Variants in HGF observed in about 807,000 individuals in gnomAD.
The protein encoded by HGF is hepatocyte growth factor.
HGF carries 39 observed loss-of-function variants against 111.6 expected under a neutral mutation model. That is an observed-to-expected ratio of 0.35 (90% CI 0.27 to 0.46). The LOEUF is 0.46. Among genes scored for constraint, HGF ranks in the 20% least tolerant of loss-of-function variants. HGF has a pLI of 1.00. For missense variants in HGF, 735 were observed against 910.5 expected (o/e 0.81, Z 2.48); for synonymous variants, 285 against 294.8 (o/e 0.97, Z 0.34).
intron 2 of HGF, among the ~76,000 whole-genome samples, chr7:81,761,303 A>G (rs1014961216): frequency 6.6e-6 from 1 of 152,222 alleles, no homozygotes; most frequent in South Asian, 2.1e-4. Context: ...GCCAGGAACT[A>G]TCTCCCGGAA....
chr7:81,729,872 G>A (rs934141318), intron 7 of HGF, 93 bp from the exon 8 acceptor site: 6 of 1,169,284 alleles, frequency 5.1e-6, no homozygotes, highest in Non-Finnish European at 4.9e-6. Flanking sequence ...TGTATTAGCA[G>A]ATTTTTTTTT....
rs1789289278 is a variant in HGF at position 81,701,905 on chromosome 7, T to A, written c.*676A>T. ...TTGCATCATTTTTTAATATTTCTACTGGTCTTTAGAGATTTCTGGTTTTTT... is the reference window on the plus strand; with the variant it reads ...TTGCATCATTTTTTAATATTTCTACAGGTCTTTAGAGATTTCTGGTTTTTT... On this transcript the variant is annotated 3_prime_UTR_variant, in exon 18 of 18. Transcript: ENST00000222390. 6.4e-6 allele frequency: 1 copy of A among 157,372 alleles called. No individual in the cohort carries two copies. Among genetic ancestry groups the A allele is most frequent in the Non-Finnish European group, 1.4e-5 (1 of 71,166 alleles). The allele number at this position is 157,372 out of a possible 1,614,324, so 9.7% of individuals were successfully genotyped here. A position where few individuals can be genotyped will look rare whatever the true frequency, so the allele number is the denominator to read the frequency against.
intron 9 of HGF, among the ~76,000 whole-genome samples, chr7:81,723,888 A>T (rs1442601872): frequency 6.6e-6 from 1 of 151,452 alleles, no homozygotes; most frequent in Non-Finnish European, 1.5e-5. Flanking sequence ...AAATACCTAG[A>T]TCTAAGTAGA....
chr7:81,723,899 TAG>T (rs1789940181), intron 9 of HGF, among the ~76,000 whole-genome samples: 1 of 151,616 alleles, frequency 6.6e-6, no homozygotes, highest in Non-Finnish European at 1.5e-5. Flanking sequence ...TCTAAGTAGA[TAG>T]ATCTATCTGT....
chr7:81,729,919 T>A (rs1038863473), intron 7 of HGF, 140 bp from the exon 8 acceptor site: 1 of 660,324 alleles, frequency 1.5e-6, no homozygotes, highest in Non-Finnish European at 2.5e-6. Context: ...TTGAGTGGAA[T>A]AAGAAATTTA....
In HGF at chr7:81,765,037, A is replaced by G. The variant is rs1789290296; in HGVS notation, c.89-2165T>C. Among the ~76,000 whole-genome samples the G allele has an allele frequency of 2.0e-5, 3 of 152,248 alleles. No homozygotes were observed. The South Asian group carries it at 6.2e-4, about 32-fold the overall frequency. On this transcript the variant is annotated intron_variant, in intron 1 of 17. Transcript: ENST00000222390. ...ATACACGTATTTCTTAAATATGTGT[A>G]TAATTATATTAACTAAAAATATAAA...
chr7:81,700,286 A>G lies in HGF; in HGVS notation c.*2295T>C, dbSNP rs1434189623. On this transcript the variant is annotated 3_prime_UTR_variant, in exon 18 of 18. Transcript: ENST00000222390. The stretch of plus-strand genomic sequence containing the variant: ...ACCTAAAATAACATGGACCTTGTTC[A>G]TCTAAGTTTCATTGTCAATTCCACC... The G allele has an allele frequency of 6.6e-6, 1 of 151,622 alleles. No individual in the cohort carries two copies. Among genetic ancestry groups the G allele is most frequent in the Non-Finnish European group, 1.5e-5 (1 of 67,684 alleles). 9.4% of individuals were successfully genotyped at this position (151,622 alleles called of 1,614,324 possible). A position where few individuals can be genotyped will look rare whatever the true frequency, so the allele number is the denominator to read the frequency against.
intron 9 of HGF, among the ~76,000 whole-genome samples, chr7:81,721,988 T>A (rs942455247): frequency 6.6e-6 from 1 of 152,206 alleles, no homozygotes; most frequent in African/African-American, 2.4e-5. Flanking sequence ...ATTTGTTCGT[T>A]AGCATTCTTC....
At chr7:81,735,265 T>G (rs2115962825) in intron 7 of HGF, among the ~76,000 whole-genome samples, 1 of 152,262 alleles carries the variant, frequency 6.6e-6, no homozygotes, top group South Asian at 2.1e-4. Context: ...CCCTGGAATT[T>G]ATCTAAGCTT....
intron 8 of HGF, among the ~76,000 whole-genome samples, chr7:81,727,620 T>C (rs1335334859): frequency 6.6e-6 from 1 of 152,166 alleles, no homozygotes; most frequent in Admixed American, 6.5e-5. Context: ...GTGTGTTAAA[T>C]TTTACATGAA....
chr7:81,729,890 T>G, intron 7 of HGF, 111 bp from the exon 8 acceptor site: 1 of 776,394 alleles, frequency 1.3e-6, no homozygotes, highest in Non-Finnish European at 2.0e-6. Flanking sequence ...TTTCTGTTAC[T>G]TATAAGCTTT....
chr7:81,703,435 G>A (rs2115747511), intron 17 of HGF, among the ~76,000 whole-genome samples: 1 of 150,856 alleles, frequency 6.6e-6, no homozygotes, highest in Middle Eastern at 3.5e-3. Flanking sequence ...CGTGTCCTGT[G>A]ATTTCATGGC....
chr7:81,728,524 T>G (rs1790079894), intron 8 of HGF, among the ~76,000 whole-genome samples: 1 of 152,218 alleles, frequency 6.6e-6, no homozygotes, highest in South Asian at 2.1e-4. Flanking sequence ...TGATATGTAT[T>G]TCTCAGGTGT....
chr7:81,745,829 G>T (rs1213008995), intron 5 of HGF, among the ~76,000 whole-genome samples: 2 of 152,174 alleles, frequency 1.3e-5, no homozygotes, highest in Admixed American at 6.5e-5. Flanking sequence ...GGCTCTTACT[G>T]ATGATTTTGT....
intron 2 of HGF, among the ~76,000 whole-genome samples, chr7:81,759,191 G>T (rs922254193): frequency 6.6e-6 from 1 of 152,052 alleles, no homozygotes; most frequent in Non-Finnish European, 1.5e-5. Context: ...ATCCACACTT[G>T]TACAAAATGG....
chr7:81,768,415 C>T (rs1349665793), intron 1 of HGF, among the ~76,000 whole-genome samples: 1 of 151,942 alleles, frequency 6.6e-6, no homozygotes, highest in Non-Finnish European at 1.5e-5. Flanking sequence ...AGTCTTGCTC[C>T]GTTCCCCAGG....
chr7:81,722,813 CAA>C lies in HGF; in HGVS notation c.1169-1968_1169-1967del, dbSNP rs552915726. On this transcript the variant is annotated intron_variant, in intron 9 of 17. Coordinates refer to ENST00000222390, the MANE Select transcript of HGF (RefSeq NM_000601.6). ...TGGGCGACAGAGCGAGATTCTGTCT[CAA>C]AAAAAAAAAAAAAAAAGAAATTTAA... is the stretch of plus-strand genomic sequence containing the variant. 3.8e-3 allele frequency among the ~76,000 whole-genome samples: 350 copies of C among 91,198 alleles called. 4 individuals are homozygous for C. Among genetic ancestry groups the C allele is most frequent in the African/African-American group, 0.016 (335 of 20,758 alleles). 59.8% of individuals were successfully genotyped at this position (91,198 alleles called of 152,430 possible).
chr7:81,762,561 G>A (rs1265922374), intron 2 of HGF, 146 bp downstream of exon 2: 1 of 696,366 alleles, frequency 1.4e-6, no homozygotes, highest in Non-Finnish European at 2.5e-6. Flanking sequence ...TGAGAGCTAA[G>A]TCTTCGTTTG....
chr7:81,732,800 A>G (rs1193413494), intron 7 of HGF, among the ~76,000 whole-genome samples: 2 of 152,192 alleles, frequency 1.3e-5, no homozygotes, highest in East Asian at 3.9e-4. Flanking sequence ...TCCTAATTTG[A>G]GAGCAAATTT....
Sources: allele counts gnomAD v4.1 joint callset (sites outside exome capture counted in the v4.1 genomes callset), GRCh38; gene constraint gnomAD v4.1.1; transcripts MANE v1.5; gene names NCBI Gene and HGNC (gene_info 2026-07-23, HGNC 2026-07-21).